The following ZNF354A variants were observed in gnomAD, a reference collection of about 807,000 sequenced individuals.
ZNF354A encodes zinc finger protein 354A, also known as epididymis luminal protein 104.
Under a neutral mutation model 53.3 loss-of-function variants are expected in ZNF354A, and 25 were observed. That is an observed-to-expected ratio of 0.47 (90% confidence interval 0.34 to 0.66). The LOEUF (loss-of-function observed/expected upper bound fraction) is 0.66, where lower values mean the gene tolerates loss of function less well. Ranked by LOEUF, ZNF354A falls within the 30% of genes least tolerant of loss-of-function variation. The pLI is 0.01. For synonymous variants in ZNF354A, 228 were observed against 249.0 expected, an observed-to-expected ratio of 0.92 and a Z score of 0.79; for missense variants, 586 against 716.8, an observed-to-expected ratio of 0.82 and a Z score of 2.08.
In ZNF354A at chr5:178,726,858, G is replaced by C. The variant is rs867649790; in HGVS notation, c.160+141C>G. On this transcript the variant is annotated intron_variant, in intron 3 of 4. Coordinates refer to ENST00000335815, the MANE Select transcript of ZNF354A (RefSeq NM_005649.3). ...CTATAAGGGGGAATAGGTTTTTAAT[G>C]TTTATTTATAAAGATCTGATTTGTA... 1.5e-4 allele frequency: 191 copies of C among 1,295,046 alleles called. 2 individuals are homozygous for C. The South Asian group carries it at 2.3e-3, about 16-fold the overall frequency. The allele number at this position is 1,295,046 out of a possible 1,614,324, so 80.2% of individuals were successfully genotyped here. A position where few individuals can be genotyped will look rare whatever the true frequency, so the allele number is the denominator to read the frequency against.
At chr5:178,721,988 T>C (rs1344071190) in intron 4 of ZNF354A, among the ~76,000 whole-genome samples, 1 of 152,192 alleles carries the variant, frequency 6.6e-6, no homozygotes, top group Non-Finnish European at 1.5e-5. Context: ...TATTCTGCCA[T>C]CTAAATCTGC....
chr5:178,715,198 A>G (rs1765690534), intron 4 of ZNF354A, among the ~76,000 whole-genome samples: 1 of 152,218 alleles, frequency 6.6e-6, no homozygotes, highest in African/African-American at 2.4e-5. Flanking sequence ...GGTAGAGGTA[A>G]CTGTTTAAAG....
chr5:178,722,683 T>C (rs943674845), intron 4 of ZNF354A, among the ~76,000 whole-genome samples: 7 of 152,150 alleles, frequency 4.6e-5, no homozygotes, highest in East Asian at 1.9e-4. Context: ...ACGCATACCC[T>C]GGCCAGGGAC....
At chr5:178,724,515 G>A (rs1341870025) in intron 4 of ZNF354A, among the ~76,000 whole-genome samples, 1 of 152,138 alleles carries the variant, frequency 6.6e-6, no homozygotes, top group Non-Finnish European at 1.5e-5. Context: ...GTGAGCCACC[G>A]TGCCCAGCGT....
In ZNF354A at chr5:178,727,078, C is replaced by T. The variant is rs750838664; in HGVS notation, c.81G>A (p.Glu27=). ...EDVAVLFTRD[E]WRKLAPSQRN... ...TCTGAGAAGGGGCCAGCTTTCTCCACTCATCTCGGGTAAACAGCACAGCCA... is the reference window on the plus strand; with the variant it reads ...TCTGAGAAGGGGCCAGCTTTCTCCATTCATCTCGGGTAAACAGCACAGCCA... Residue 27 remains glutamate (E), a synonymous_variant, in exon 3 of 5, where the codon GAG becomes GAA. Transcript: ENST00000335815. The T allele has an allele frequency of 5.0e-6, 8 of 1,614,192 alleles. No individual in the cohort carries two copies. The Admixed American group carries it at 1.0e-4, about 20-fold the overall frequency.
chr5:178,718,124 T>TA (rs1336920563), intron 4 of ZNF354A, among the ~76,000 whole-genome samples: 6 of 152,240 alleles, frequency 3.9e-5, no homozygotes, highest in African/African-American at 1.4e-4. Flanking sequence ...ATCCCAACTC[T>TA]AAAGTGCCAA....
intron 4 of ZNF354A, among the ~76,000 whole-genome samples, chr5:178,720,730 A>G (rs975201603): frequency 1.3e-5 from 2 of 152,206 alleles, no homozygotes; most frequent in Non-Finnish European, 2.9e-5. Context: ...AAACCCTTTC[A>G]TCTCGTCCAC....
At position 178,725,458 on chromosome 5, in the gene ZNF354A, G is replaced by C. The variant is rs1421799309; in HGVS notation, c.174C>G (p.Thr58=). The change falls in exon 4 of 5, where the codon ACC becomes ACG. Residue 58 remains threonine (T), a synonymous_variant. Coordinates refer to ENST00000335815, the MANE Select transcript of ZNF354A (RefSeq NM_005649.3). ...RNLVSLGLPF[T]KPKVISLLQQ... ...GCAACAGGGAGATCACTTTTGGTTT[G>C]GTAAATGGGAGCCCTGCACATAAAC... 1.2e-6 allele frequency: 2 copies of C among 1,614,088 alleles called. No homozygotes were observed. Among genetic ancestry groups the C allele is most frequent in the East Asian group, 4.5e-5 (2 of 44,874 alleles).
intron 2 of ZNF354A, among the ~76,000 whole-genome samples, chr5:178,727,766 C>G (rs1765939528): frequency 6.6e-6 from 1 of 152,190 alleles, no homozygotes; most frequent in Non-Finnish European, 1.5e-5. Context: ...CCACTTTACA[C>G]AAGAGAAAAC....
At chr5:178,727,630 T>C (rs896022680) in intron 2 of ZNF354A, among the ~76,000 whole-genome samples, 3 of 152,146 alleles carry the variant, frequency 2.0e-5, no homozygotes, top group Middle Eastern at 3.2e-3. Flanking sequence ...AAAAGTAAAA[T>C]AGCTATAATT....
chr5:178,719,932 G>A (rs1232543396), intron 4 of ZNF354A, among the ~76,000 whole-genome samples: 4 of 134,364 alleles, frequency 3.0e-5, no homozygotes, highest in African/African-American at 1.0e-4. Flanking sequence ...GGGCGACAGA[G>A]CGAGACTCCG....
At chr5:178,724,667 C>T (rs1434868941) in intron 4 of ZNF354A, among the ~76,000 whole-genome samples, 2 of 152,200 alleles carry the variant, frequency 1.3e-5, no homozygotes, top group African/African-American at 4.8e-5. Context: ...GACCCATTCT[C>T]AATCCCATTC....
At chr5:178,715,036 C>G (rs1765688093) in intron 4 of ZNF354A, among the ~76,000 whole-genome samples, 1 of 152,204 alleles carries the variant, frequency 6.6e-6, no homozygotes, top group Non-Finnish European at 1.5e-5. Context: ...AACAATAAGA[C>G]AGGCATGGAT....
Position 178,713,299 on chromosome 5 carries a change from TC to T in ZNF354A, c.578del (p.Gly193GlufsTer70). The T allele has an allele frequency of 6.2e-7, 1 of 1,614,174 alleles. No individual in the cohort carries two copies. The highest frequency in any genetic ancestry group is 8.5e-7 in the Non-Finnish European group (1 of 1,180,026). ...EKTPPKCEIQ[G>X]NSLKQNSQLL... ...ATTGTGAATTCTGTTTGAGGCTGTTTCCTTGTATTTCACATTTTGGTGGTGT... is the reference window on the plus strand; with the variant it reads ...ATTGTGAATTCTGTTTGAGGCTGTTTCTTGTATTTCACATTTTGGTGGTGT... On this transcript the variant is annotated frameshift_variant, in exon 5 of 5. Transcript: ENST00000335815. LOFTEE classifies it high-confidence loss of function.
chr5:178,715,978 C>A (rs968807967), intron 4 of ZNF354A, among the ~76,000 whole-genome samples: 1 of 151,668 alleles, frequency 6.6e-6, no homozygotes, highest in Non-Finnish European at 1.5e-5. Flanking sequence ...CTCACTGCAA[C>A]CTCCCCCTCC....
intron 1 of ZNF354A, among the ~76,000 whole-genome samples, chr5:178,730,193 G>A (rs1477256727): frequency 6.6e-6 from 1 of 152,182 alleles, no homozygotes; most frequent in Non-Finnish European, 1.5e-5. Context: ...GGAAAGCGCT[G>A]GGTGTCCCGA....
chr5:178,726,328 T>TG, intron 3 of ZNF354A: 1 of 389,758 alleles, frequency 2.6e-6, no homozygotes, highest in Non-Finnish European at 5.2e-6. Flanking sequence ...TTTTTTTTTT[T>TG]GAGACAGAGT....
intron 3 of ZNF354A, among the ~76,000 whole-genome samples, 164 bp from the exon 4 acceptor site, chr5:178,725,635 G>A (rs1446499381): frequency 1.3e-5 from 2 of 152,154 alleles, no homozygotes; most frequent in Non-Finnish European, 2.9e-5. Context: ...GTAGGGTGAG[G>A]AAAAGACAAG....
intron 4 of ZNF354A, among the ~76,000 whole-genome samples, chr5:178,717,237 G>A (rs979139787): frequency 4.6e-5 from 7 of 152,076 alleles, no homozygotes; most frequent in South Asian, 2.1e-4. Context: ...TGGCTGCTGC[G>A]TGGACCGACT....
Sources: allele counts gnomAD v4.1 joint callset (sites outside exome capture counted in the v4.1 genomes callset), GRCh38; gene constraint gnomAD v4.1.1; transcripts MANE v1.5; gene names NCBI Gene and HGNC (gene_info 2026-07-23, HGNC 2026-07-21).